The following LRMDA variants were observed in gnomAD, a reference collection of about 807,000 sequenced individuals.
The protein encoded by LRMDA is leucine-rich melanocyte differentiation-associated protein.
A neutral mutation model predicts 29.8 loss-of-function variants in LRMDA; 18 were observed. That is an observed-to-expected ratio of 0.60 (90% CI 0.42 to 0.90). LRMDA has a LOEUF of 0.90. LRMDA is among the 40% of genes least tolerant of loss of function. The pLI is 0.00. For synonymous variants in LRMDA, 125 were observed against 109.4 expected (o/e 1.14, Z -0.89); for missense variants, 273 against 273.9 (o/e 1.00, Z 0.02).
intron 2 of LRMDA, among the ~76,000 whole-genome samples, chr10:75,704,684 C>A (rs1192525407): frequency 1.3e-5 from 2 of 152,180 alleles, no homozygotes; most frequent in African/African-American, 2.4e-5. Flanking sequence ...GTTACCTTTT[C>A]TTTTCTACTG....
intron 2 of LRMDA, among the ~76,000 whole-genome samples, chr10:75,707,105 G>A (rs1431497136): frequency 1.3e-5 from 2 of 152,198 alleles, no homozygotes; most frequent in Non-Finnish European, 2.9e-5. Flanking sequence ...AAAGGCAGTA[G>A]GTAGGATGTT....
intron 6 of LRMDA, among the ~76,000 whole-genome samples, chr10:76,544,266 G>T (rs1843392663): frequency 6.6e-6 from 1 of 152,110 alleles, no homozygotes. Flanking sequence ...GGCTCACATT[G>T]GCCCATGGGC....
chr10:75,731,706 C>T (rs1283175945), intron 2 of LRMDA, among the ~76,000 whole-genome samples: 1 of 152,214 alleles, frequency 6.6e-6, no homozygotes, highest in African/African-American at 2.4e-5. Context: ...TGCTGATTGA[C>T]ACGTTGGTTT....
intron 2 of LRMDA, among the ~76,000 whole-genome samples, chr10:75,768,476 G>A (rs149997680): frequency 1.6e-3 from 242 of 152,202 alleles, no homozygotes; most frequent in African/African-American, 5.6e-3. Flanking sequence ...ACTGTAGTTG[G>A]GATTTGAATG....
chr10:75,647,271 A>C (rs1841534433), intron 2 of LRMDA, among the ~76,000 whole-genome samples: 1 of 152,120 alleles, frequency 6.6e-6, no homozygotes, highest in African/African-American at 2.4e-5. Flanking sequence ...AAAACCCTAA[A>C]GACTTAAATG....
At chr10:76,046,261 G>A (rs1233919575) in intron 3 of LRMDA, among the ~76,000 whole-genome samples, 2 of 152,164 alleles carry the variant, frequency 1.3e-5, no homozygotes, top group East Asian at 1.9e-4. Flanking sequence ...GGACTAAGTT[G>A]TCATTAAACC....
At chr10:75,806,340 G>T (rs556897478) in intron 2 of LRMDA, among the ~76,000 whole-genome samples, 1 of 152,134 alleles carries the variant, frequency 6.6e-6, no homozygotes, top group Non-Finnish European at 1.5e-5. Context: ...GAATGCGTCA[G>T]CATTCTTGAG....
intron 2 of LRMDA, among the ~76,000 whole-genome samples, chr10:75,608,110 G>GTATA (rs10605160): frequency 1.1e-4 from 11 of 101,402 alleles, no homozygotes; most frequent in South Asian, 3.7e-4. Context: ...TGTAGTGTGT[G>GTATA]TATATATATA....
At chr10:75,687,839 C>A (rs1453655069) in intron 2 of LRMDA, among the ~76,000 whole-genome samples, 2 of 152,118 alleles carry the variant, frequency 1.3e-5, no homozygotes, top group African/African-American at 4.8e-5. Flanking sequence ...CTCAATTTAC[C>A]ATTCTCAAAA....
At chr10:76,347,520 C>A (rs1841123267) in intron 6 of LRMDA, among the ~76,000 whole-genome samples, 1 of 152,118 alleles carries the variant, frequency 6.6e-6, no homozygotes, top group South Asian at 2.1e-4. Flanking sequence ...TAAAGAATGG[C>A]AAATAACCCA....
chr10:76,020,845 A>G lies in LRMDA; in HGVS notation c.132-15163A>G, dbSNP rs143937674. 1.1e-4 allele frequency among the ~76,000 whole-genome samples: 17 copies of G among 152,346 alleles called. No homozygotes were observed. The East Asian group carries it at 2.1e-3, about 19-fold the overall frequency. On this transcript the variant is annotated intron_variant, in intron 2 of 6. Transcript: ENST00000611255. Reference sequence around the variant, plus strand: ...TACTTAGCAATTCTGCGCCTGAGGAATGTCAACCTTGTGTTTTTCCATGCC... The same window carrying G: ...TACTTAGCAATTCTGCGCCTGAGGAGTGTCAACCTTGTGTTTTTCCATGCC...
At chr10:75,486,904 C>T (rs952780064) in intron 2 of LRMDA, among the ~76,000 whole-genome samples, 3 of 152,216 alleles carry the variant, frequency 2.0e-5, no homozygotes, top group Non-Finnish European at 4.4e-5. Flanking sequence ...TGCTGGTGTG[C>T]TCTCAGCTTT....
chr10:75,469,201 AAAG>A (rs1213122109), intron 2 of LRMDA, among the ~76,000 whole-genome samples: 1 of 152,014 alleles, frequency 6.6e-6, no homozygotes, highest in African/African-American at 2.4e-5. Flanking sequence ...AAGGAAAAAA[AAAG>A]AGAGAGATGA....
intron 6 of LRMDA, among the ~76,000 whole-genome samples, chr10:76,430,288 A>G (rs187468189): frequency 1.4e-4 from 22 of 152,326 alleles, no homozygotes; most frequent in Non-Finnish European, 2.9e-4. Context: ...ACCTCTTCCT[A>G]TAAATGCTGA....
chr10:75,541,155 G>A (rs1252250615), intron 2 of LRMDA, among the ~76,000 whole-genome samples: 4 of 152,134 alleles, frequency 2.6e-5, no homozygotes, highest in Admixed American at 2.6e-4. Flanking sequence ...GAGGCCAACT[G>A]GGTCTTTCCT....
chr10:75,570,588 A>G (rs1840426471), intron 2 of LRMDA, among the ~76,000 whole-genome samples: 1 of 152,210 alleles, frequency 6.6e-6, no homozygotes, highest in Non-Finnish European at 1.5e-5. Flanking sequence ...CAGTGTATTT[A>G]TCTGAACTGT....
At chr10:76,472,156 T>C (rs1842624589) in intron 6 of LRMDA, among the ~76,000 whole-genome samples, 1 of 151,838 alleles carries the variant, frequency 6.6e-6, no homozygotes, top group East Asian at 1.9e-4. Context: ...GTCTCTAGGA[T>C]AGACCATATA....
chr10:76,400,161 C>T (rs138000085), intron 6 of LRMDA, among the ~76,000 whole-genome samples: 221 of 152,334 alleles, frequency 1.5e-3, no homozygotes, highest in East Asian at 1.9e-3. Flanking sequence ...GAGGCCCACA[C>T]GGCAGCAGCA....
chr10:75,751,553 T>C (rs1268331672), intron 2 of LRMDA, among the ~76,000 whole-genome samples: 3 of 152,186 alleles, frequency 2.0e-5, no homozygotes, highest in African/African-American at 7.2e-5. Flanking sequence ...AGAATAATAA[T>C]TGTATCTACC....
Sources: allele counts gnomAD v4.1 joint callset (sites outside exome capture counted in the v4.1 genomes callset), GRCh38; gene constraint gnomAD v4.1.1; transcripts MANE v1.5; gene names NCBI Gene and HGNC (gene_info 2026-07-23, HGNC 2026-07-21).